The following KCNE3 variants were observed in gnomAD, a reference collection of about 807,000 sequenced individuals.
KCNE3 encodes the protein potassium voltage-gated channel subfamily E regulatory subunit 3.
KCNE3 carries 2 observed loss-of-function variants against 4.3 expected under a neutral mutation model. That is an observed-to-expected ratio of 0.47 (90% CI 0.19 to 1.48). KCNE3 has a LOEUF of 1.48. Ranked by LOEUF, KCNE3 falls within the 40% of genes most tolerant of loss-of-function variation. KCNE3 has a pLI of 0.25. For synonymous variants in KCNE3, 47 were observed against 52.0 expected (o/e 0.90, Z 0.41); for missense variants, 128 against 136.8 (o/e 0.94, Z 0.32).
chr11:74,464,582 C>T (rs908739609), intron 1 of KCNE3, among the ~76,000 whole-genome samples: 1 of 152,162 alleles, frequency 6.6e-6, no homozygotes, highest in Non-Finnish European at 1.5e-5. Context: ...CTCATTCAAC[C>T]AGTGGGAAAA....
At chr11:74,464,520 A>G (rs1036288481) in intron 1 of KCNE3, among the ~76,000 whole-genome samples, 9 of 152,164 alleles carry the variant, frequency 5.9e-5, no homozygotes, top group Admixed American at 2.0e-4. Flanking sequence ...GGACAAAGGA[A>G]TAGAATCTGA....
rs919148909 is a variant in KCNE3, at chr11:74,455,503, C to A, written c.*1749G>T. 3 of 152,116 alleles carry A rather than the reference C, an allele frequency of 2.0e-5. No individual in the cohort carries two copies. The highest frequency in any genetic ancestry group is 4.4e-5 in the Non-Finnish European group (3 of 68,018). 9.4% of individuals were successfully genotyped at this position (152,116 alleles called of 1,614,324 possible). A position where few individuals can be genotyped will look rare whatever the true frequency, so the allele number is the denominator to read the frequency against. On this transcript the variant is annotated 3_prime_UTR_variant, in exon 3 of 3. Coordinates refer to ENST00000310128, the MANE Select transcript of KCNE3 (RefSeq NM_005472.5). ...ATGGCTCAACTTAATGTATATGAAGCCTAGAATGTCAGAACTGATAGAGCC... is the reference window on the plus strand; with the variant it reads ...ATGGCTCAACTTAATGTATATGAAGACTAGAATGTCAGAACTGATAGAGCC...
intron 2 of KCNE3, among the ~76,000 whole-genome samples, chr11:74,459,760 G>C (rs1332739706): frequency 6.6e-6 from 1 of 152,048 alleles, no homozygotes; most frequent in African/African-American, 2.4e-5. Flanking sequence ...TCTTGTTTTT[G>C]ATAAGGATAT....
intron 1 of KCNE3, among the ~76,000 whole-genome samples, chr11:74,466,408 T>A (rs944880949): frequency 5.3e-5 from 8 of 152,192 alleles, no homozygotes; most frequent in Admixed American, 6.5e-5. Context: ...GCATGGGTCT[T>A]CCTCCATCAG....
intron 1 of KCNE3, among the ~76,000 whole-genome samples, chr11:74,465,102 C>CTGTGTGTGTG (rs143869592): frequency 1.6e-4 from 24 of 150,160 alleles, no homozygotes; most frequent in East Asian, 9.9e-4. Flanking sequence ...TACTGAAACT[C>CTGTGTGTGTG]TGTGTGTGTG....
chr11:74,457,676 C>A, intron 2 of KCNE3, 73 bp from the exon 3 acceptor site: 2 of 974,966 alleles, frequency 2.1e-6, no homozygotes, highest in East Asian at 2.4e-5. Flanking sequence ...CCTTCAGATC[C>A]CAGGTAAAAT....
rs1205683780 is a variant in KCNE3 at position 74,462,175 on chromosome 11, T to G, written c.-189-72A>C. 4 of 152,688 alleles carry G rather than the reference T, an allele frequency of 2.6e-5. No individual in the cohort carries two copies. In the East Asian group the frequency reaches 7.7e-4, roughly 29 times the overall value. The allele number at this position is 152,688 out of a possible 1,614,324, so 9.5% of individuals were successfully genotyped here. A position where few individuals can be genotyped will look rare whatever the true frequency, so the allele number is the denominator to read the frequency against. On this transcript the variant is annotated intron_variant, in intron 1 of 2. Transcript: ENST00000310128. ...GCACAAACTTCAGAACCAGGGTGGA[T>G]TGCCCAAGGCCAGGCCCCAAGGATT...
At chr11:74,460,930 G>A (rs1045236534) in intron 2 of KCNE3, among the ~76,000 whole-genome samples, 2 of 152,140 alleles carry the variant, frequency 1.3e-5, no homozygotes, top group African/African-American at 4.8e-5. Context: ...GTCATGAATT[G>A]GGGCAGAGAG....
Position 74,457,427 on chromosome 11 carries a change from C to T in KCNE3, c.137G>A (p.Arg46Lys), listed in dbSNP as rs530975076. 6.2e-7 allele frequency: 1 copy of T among 1,613,942 alleles called. No individual in the cohort carries two copies. The highest frequency in any genetic ancestry group is 1.1e-5 in the South Asian group (1 of 91,076). ...GLGPDNQTEE[R>K]RASLPGRDDN... is the part of the protein sequence containing the mutation. ...ATCACGGCCAGGTAGGCTGGCCCGC[C>T]TCTCTTCAGTCTGGTTGTCTGGCCC... Residue 46 changes from arginine to lysine, a missense_variant, in exon 3 of 3, where the codon AGG becomes AAG. Physicochemically the swap from Arg to Lys is conservative, Grantham distance 26 (BLOSUM62 2). Coordinates refer to ENST00000310128, the MANE Select transcript of KCNE3 (RefSeq NM_005472.5).
intron 1 of KCNE3, chr11:74,464,228 A>C (rs1864014047): frequency 6.6e-6 from 1 of 152,172 alleles, no homozygotes; most frequent in South Asian, 2.1e-4. Context: ...TGGGGTTTTC[A>C]TTCAGGTTGC....
Position 74,457,510 on chromosome 11 carries a change from C to T in KCNE3, c.54G>A (p.Leu18=). The part of the protein sequence containing the change: ...ETWYESLHAV[L]KALNATLHSN... ...TGTGAAGAGTGGCATTTAGAGCCTT[C>T]AGCACGGCATGCAGGCTCTCATACC... The change falls in exon 3 of 3, where the codon CTG becomes CTA. Residue 18 remains leucine, a synonymous_variant. Transcript: ENST00000310128. The T allele has an allele frequency of 6.2e-7, 1 of 1,614,208 alleles. No individual in the cohort carries two copies. Among genetic ancestry groups the T allele is most frequent in the Non-Finnish European group, 8.5e-7 (1 of 1,180,034 alleles).
chr11:74,462,345 C>G (rs1591228944), intron 1 of KCNE3: 1 of 152,286 alleles, frequency 6.6e-6, no homozygotes, highest in Non-Finnish European at 1.5e-5. Flanking sequence ...TACCTCCAGA[C>G]TTACAGTGTC....
At chr11:74,466,498 A>C (rs907912262) in intron 1 of KCNE3, among the ~76,000 whole-genome samples, 2 of 152,134 alleles carry the variant, frequency 1.3e-5, no homozygotes, top group Non-Finnish European at 2.9e-5. Flanking sequence ...TGAAGTGGAG[A>C]GAGCCCTGGG....
intron 2 of KCNE3, 115 bp downstream of exon 2, chr11:74,461,840 C>T (rs1432161777): frequency 6.6e-6 from 1 of 150,674 alleles, no homozygotes; most frequent in African/African-American, 2.4e-5. Flanking sequence ...AGCTCCTAGT[C>T]GTCCCAAGCT....
In KCNE3 at chr11:74,455,150, G is replaced by A. The variant is rs1036271202; in HGVS notation, c.*2102C>T. 6.6e-6 allele frequency: 1 copy of A among 152,070 alleles called. No homozygotes were observed. The highest frequency in any genetic ancestry group is 2.4e-5 in the African/African-American group (1 of 41,392). 9.4% of individuals were successfully genotyped at this position (152,070 alleles called of 1,614,324 possible). A position where few individuals can be genotyped will look rare whatever the true frequency, so the allele number is the denominator to read the frequency against. Reference sequence around the variant, plus strand: ...TTTATTATACAAGTAACATACTTACGGTCAAGTCAGTCAAATATTACATAA... The same window carrying A: ...TTTATTATACAAGTAACATACTTACAGTCAAGTCAGTCAAATATTACATAA... On this transcript the variant is annotated 3_prime_UTR_variant, in exon 3 of 3. Coordinates refer to ENST00000310128, the MANE Select transcript of KCNE3 (RefSeq NM_005472.5).
chr11:74,457,813 T>C (rs929711608), intron 2 of KCNE3, among the ~76,000 whole-genome samples: 2 of 151,850 alleles, frequency 1.3e-5, no homozygotes, highest in Non-Finnish European at 2.9e-5. Context: ...TGGGGGTGGG[T>C]TTTTCCCATG....
chr11:74,461,289 G>GTT (rs71869411), intron 2 of KCNE3, among the ~76,000 whole-genome samples: 1,276 of 109,286 alleles, frequency 0.012, 13 homozygotes, highest in East Asian at 0.073. Flanking sequence ...ATATTTTTAT[G>GTT]TTTTGTGTGT....
Position 74,457,518 on chromosome 11 carries a change from C to T in KCNE3, c.46G>A (p.Ala16Thr), listed in dbSNP as rs767752832. The change falls in exon 3 of 3, where the codon GCC becomes ACC. Residue 16 changes from alanine to threonine, a missense_variant. Coordinates refer to ENST00000310128, the MANE Select transcript of KCNE3 (RefSeq NM_005472.5). The part of the protein sequence containing the change: ...GTETWYESLH[A>T]VLKALNATLH... ...GTGGCATTTAGAGCCTTCAGCACGGCATGCAGGCTCTCATACCAGGTCTCC... is the reference window on the plus strand; with the variant it reads ...GTGGCATTTAGAGCCTTCAGCACGGTATGCAGGCTCTCATACCAGGTCTCC... 25 of 1,614,194 alleles carry T rather than the reference C, an allele frequency of 1.5e-5. 1 individual carries two copies. Among genetic ancestry groups the T allele is most frequent in the Non-Finnish European group, 1.3e-5 (15 of 1,180,028 alleles).
chr11:74,460,569 A>G (rs1454692096), intron 2 of KCNE3, among the ~76,000 whole-genome samples: 1 of 152,244 alleles, frequency 6.6e-6, no homozygotes, highest in East Asian at 1.9e-4. Context: ...AAGAGGCAGA[A>G]AAGATGAAGG....
Sources: gnomAD v4.1 joint callset for allele counts (sites outside exome capture counted in the v4.1 genomes callset) on GRCh38, gnomAD v4.1.1 for gene constraint, MANE v1.5 for transcripts, NCBI Gene and HGNC (gene_info 2026-07-23, HGNC 2026-07-21) for gene names.